CNIH3: variants seen among roughly 807,000 people sequenced by gnomAD.
The protein encoded by CNIH3 is cornichon family AMPA receptor auxiliary protein 3, also known as protein cornichon homolog 3.
Under a neutral mutation model 24.1 loss-of-function variants are expected in CNIH3, and 14 were observed. The ratio of observed to expected loss-of-function variants is 0.58; its 90% CI spans 0.38 to 0.91. The LOEUF is 0.91. Ranked by LOEUF, CNIH3 falls within the 40% of genes least tolerant of loss-of-function variation. The pLI, the probability that CNIH3 is intolerant of heterozygous loss-of-function variation, is 0.00. For missense variants in CNIH3, 178 were observed against 196.8 expected (o/e 0.90, Z 0.57); for synonymous variants, 68 against 73.8 (o/e 0.92, Z 0.40).
chr1:224,524,356 C>T (rs1001081878), intron 2 of CNIH3, among the ~76,000 whole-genome samples: 8 of 152,192 alleles, frequency 5.3e-5, no homozygotes, highest in African/African-American at 1.9e-4. Flanking sequence ...GGCTGTTTCC[C>T]CTTCTCATTT....
intron 1 of CNIH3, among the ~76,000 whole-genome samples, chr1:224,651,205 G>A (rs888739161): frequency 2.0e-5 from 3 of 152,084 alleles, no homozygotes; most frequent in Non-Finnish European, 4.4e-5. Flanking sequence ...GAAAAGCAGG[G>A]AAATAAAAAA....
At chr1:224,623,126 C>T (rs1340556008) in intron 1 of CNIH3, among the ~76,000 whole-genome samples, 1 of 152,154 alleles carries the variant, frequency 6.6e-6, no homozygotes, top group Non-Finnish European at 1.5e-5. Context: ...CCCTGAGCCC[C>T]CTGACCTGCC....
intron 1 of CNIH3, among the ~76,000 whole-genome samples, chr1:224,469,385 T>G (rs935716094): frequency 6.6e-5 from 10 of 152,174 alleles, no homozygotes; most frequent in African/African-American, 2.4e-4. Context: ...CCCAGCCTGA[T>G]TTTTCTTCTT....
intron 1 of CNIH3, among the ~76,000 whole-genome samples, chr1:224,438,126 G>A (rs1003700197): frequency 1.3e-5 from 2 of 151,566 alleles, no homozygotes; most frequent in Non-Finnish European, 2.9e-5. Context: ...GGGTTTCACC[G>A]TGTTAGCCAA....
Position 224,608,631 on chromosome 1 carries a change from C to G in CNIH3, n.402+42367C>G, listed in dbSNP as rs1234291585. Among the ~76,000 whole-genome samples the G allele has an allele frequency of 2.0e-5, 3 of 152,316 alleles. No homozygotes were observed. The East Asian group carries it at 5.8e-4, about 29-fold the overall frequency. On this transcript the variant is annotated intron_variant and non_coding_transcript_variant, in intron 3 of 7. Coordinates refer to the CNIH3 transcript ENST00000478120. Reference sequence around the variant, plus strand: ...TCAGGGGTCGATCTTTAACCAGGCCCAGGGCACGGCGCCGGGCTGTCTGCC... The same window carrying G: ...TCAGGGGTCGATCTTTAACCAGGCCGAGGGCACGGCGCCGGGCTGTCTGCC...
intron 5 of CNIH3, among the ~76,000 whole-genome samples, chr1:224,735,483 C>T (rs1689548759): frequency 6.6e-6 from 1 of 152,018 alleles, no homozygotes; most frequent in African/African-American, 2.4e-5. Flanking sequence ...TGTGGCAGGG[C>T]CATGGTGATC....
intron 3 of CNIH3, among the ~76,000 whole-genome samples, chr1:224,721,792 G>T (rs531653252): frequency 2.1e-4 from 32 of 152,168 alleles, no homozygotes; most frequent in Non-Finnish European, 3.7e-4. Flanking sequence ...AATGAAGAGG[G>T]GGCCTGTGGA....
chr1:224,464,332 T>TATA lies in CNIH3; in HGVS notation n.203+29470_203+29471insATA, dbSNP rs529206742. Among the ~76,000 whole-genome samples, 254 of 151,970 alleles carry TATA rather than the reference T, an allele frequency of 1.7e-3. 3 individuals carry two copies. The East Asian group carries it at 0.018, about 11-fold the overall frequency. ...TTTTTTTTGAGATGGGGTCTCTATA[T>TATA]GTTGCCCAGGCTGTTCTTAAATTCC... On this transcript the variant is annotated intron_variant and non_coding_transcript_variant, in intron 1 of 5. Coordinates refer to the CNIH3 transcript ENST00000471578.
At chr1:224,452,569 C>T (rs1257994997) in intron 1 of CNIH3, among the ~76,000 whole-genome samples, 1 of 148,458 alleles carries the variant, frequency 6.7e-6, no homozygotes, top group Non-Finnish European at 1.5e-5. Flanking sequence ...ATCACAAGGT[C>T]AGGAGATTGA....
At chr1:224,503,037 GGGGAGGGAGGGA>G in intron 1 of CNIH3, among the ~76,000 whole-genome samples, 1 of 151,822 alleles carries the variant, frequency 6.6e-6, no homozygotes, top group East Asian at 1.9e-4. Context: ...CAGCTCTCCC[GGGGAGGGAGGGA>G]GGGAGGGAGG....
At chr1:224,705,913 C>G (rs964648603) in intron 3 of CNIH3, among the ~76,000 whole-genome samples, 4 of 127,918 alleles carry the variant, frequency 3.1e-5, no homozygotes, top group African/African-American at 5.8e-5. Flanking sequence ...CAGCTCACAT[C>G]GTCACTTCGG....
At chr1:224,516,819 A>C (rs1011184444) in intron 1 of CNIH3, among the ~76,000 whole-genome samples, 3 of 151,890 alleles carry the variant, frequency 2.0e-5, no homozygotes, top group Non-Finnish European at 2.9e-5. Context: ...TCCCCGCCAG[A>C]AAATCTGTCT....
intron 2 of CNIH3, among the ~76,000 whole-genome samples, chr1:224,532,784 A>G (rs1250812765): frequency 6.6e-6 from 1 of 152,184 alleles, no homozygotes; most frequent in Non-Finnish European, 1.5e-5. Flanking sequence ...CTAATGCTAA[A>G]TGCTGTAGTA....
chr1:224,604,345 T>C lies in CNIH3; in HGVS notation n.402+38081T>C, dbSNP rs553484839. On this transcript the variant is annotated intron_variant and non_coding_transcript_variant, in intron 3 of 7. Transcript: ENST00000478120. This position sits in a 1 kb window ranked among gnomAD's most constrained non-coding sequence, Gnocchi z 4.4. ...TGGAAAGCAGAGCTTTAAAAACAAA[T>C]ATTCTTTCTAGTTTGGTGAAAGGTT... Among the ~76,000 whole-genome samples, 1 of 152,330 alleles carries C rather than the reference T, an allele frequency of 6.6e-6. No individual in the cohort carries two copies. Among genetic ancestry groups the C allele is most frequent in the South Asian group, 2.1e-4 (1 of 4,830 alleles).
chr1:224,560,434 G>A (rs1176362953), intron 3 of CNIH3, among the ~76,000 whole-genome samples: 2 of 152,118 alleles, frequency 1.3e-5, no homozygotes, highest in African/African-American at 4.8e-5. Context: ...CCACTCTGTG[G>A]CCTGTTAGGA....
chr1:224,638,831 T>C (rs190714904), intron 1 of CNIH3, among the ~76,000 whole-genome samples: 8 of 152,372 alleles, frequency 5.3e-5, no homozygotes, highest in Non-Finnish European at 1.0e-4. Flanking sequence ...CAATACTTTA[T>C]ACTTGGTGTC....
intron 1 of CNIH3, among the ~76,000 whole-genome samples, chr1:224,489,819 A>T (rs942967440): frequency 6.6e-6 from 1 of 152,188 alleles, no homozygotes; most frequent in African/African-American, 2.4e-5. Context: ...GTGTCTTGTG[A>T]GAGCCTGATT....
intron 2 of CNIH3, among the ~76,000 whole-genome samples, chr1:224,683,747 G>A (rs890232189): frequency 6.6e-6 from 1 of 152,228 alleles, no homozygotes; most frequent in African/African-American, 2.4e-5. Context: ...AGTAATGGTA[G>A]ATGTTGTCCT....
At position 224,442,894 on chromosome 1, in the gene CNIH3, A is replaced by G. The variant is rs1010848832; in HGVS notation, n.203+8032A>G. Among the ~76,000 whole-genome samples the G allele has an allele frequency of 1.7e-4, 26 of 152,150 alleles. 1 individual carries two copies. Among genetic ancestry groups the G allele is most frequent in the Admixed American group, 1.6e-3 (25 of 15,280 alleles). ...AAAATGGAGCAAGTCCTATACGTTCATTTTTGAACTTTTCCCTTTTTGGGT... is the reference window on the plus strand; with the variant it reads ...AAAATGGAGCAAGTCCTATACGTTCGTTTTTGAACTTTTCCCTTTTTGGGT... On this transcript the variant is annotated intron_variant and non_coding_transcript_variant, in intron 1 of 5. Coordinates refer to the CNIH3 transcript ENST00000471578.
Sources: gnomAD v4.1 joint callset for allele counts (sites outside exome capture counted in the v4.1 genomes callset) on GRCh38, gnomAD v4.1.1 for gene constraint, Gnocchi (gnomAD v3.1) non-coding constraint, MANE v1.5 for transcripts, NCBI Gene and HGNC (gene_info 2026-07-23, HGNC 2026-07-21) for gene names.